Variants in APBA2 observed in about 807,000 individuals in gnomAD.
APBA2 encodes the protein amyloid-beta A4 precursor protein-binding family A member 2.
In APBA2, 30 loss-of-function variants were observed where a neutral mutation model predicts 75.0. The observed-to-expected ratio is 0.40, with a 90% confidence interval of 0.30 to 0.54. APBA2 has a LOEUF of 0.54. Ranked by LOEUF, APBA2 falls within the 20% of genes least tolerant of loss-of-function variation. APBA2 has a pLI of 0.49. For synonymous variants in APBA2, 444 were observed against 409.6 expected, an observed-to-expected ratio of 1.08 and a Z score of -1.01; for missense variants, 801 against 1,016.1, an observed-to-expected ratio of 0.79 and a Z score of 2.88.
intron 3 of APBA2, among the ~76,000 whole-genome samples, chr15:29,004,622 A>G (rs2152806145): frequency 6.6e-6 from 1 of 152,282 alleles, no homozygotes. Context: ...GACCACTGGC[A>G]TAACGCACGG....
At position 29,117,150 on chromosome 15, in the gene APBA2, C is replaced by T; in HGVS notation, c.*17C>T. 6.2e-7 allele frequency: 1 copy of T among 1,612,228 alleles called. No individual in the cohort carries two copies. Among genetic ancestry groups the T allele is most frequent in the East Asian group, 2.2e-5 (1 of 44,838 alleles). ...TACATCTAGGCCACCCCAGCCTGGCCACGCAGCCAGGACACCGGGCAGGGC... is the reference window on the plus strand; with the variant it reads ...TACATCTAGGCCACCCCAGCCTGGCTACGCAGCCAGGACACCGGGCAGGGC... On this transcript the variant is annotated 3_prime_UTR_variant, in exon 15 of 15. Transcript: ENST00000683413.
intron 3 of APBA2, among the ~76,000 whole-genome samples, chr15:29,026,958 T>G (rs957690576): frequency 1.6e-4 from 25 of 152,154 alleles, no homozygotes; most frequent in African/African-American, 6.0e-4. Context: ...TCCTTATTTC[T>G]CTTCAATTGT....
chr15:29,010,635 G>A (rs979754149), intron 3 of APBA2, among the ~76,000 whole-genome samples: 4 of 152,060 alleles, frequency 2.6e-5, no homozygotes, highest in African/African-American at 7.2e-5. Context: ...ACTTTCTCAC[G>A]TTCAGTGGTA....
chr15:29,085,474 G>C (rs543958751), intron 6 of APBA2, among the ~76,000 whole-genome samples: 6 of 145,970 alleles, frequency 4.1e-5, no homozygotes, highest in African/African-American at 1.5e-4. Context: ...GCAGTGAGCC[G>C]AGATTGCACC....
chr15:28,996,836 C>T (rs75108940), intron 3 of APBA2, among the ~76,000 whole-genome samples: 2 of 152,192 alleles, frequency 1.3e-5, no homozygotes, highest in African/African-American at 2.4e-5. Context: ...AACACCCCCC[C>T]TGCCTGACCA....
At chr15:29,004,339 C>T (rs1232140233) in intron 3 of APBA2, among the ~76,000 whole-genome samples, 1 of 152,186 alleles carries the variant, frequency 6.6e-6, no homozygotes, top group Non-Finnish European at 1.5e-5. Context: ...TGCCTCTTTG[C>T]ACTCCATGCC....
At position 29,108,324 on chromosome 15, in the gene APBA2, A is replaced by G. The variant is rs774878617; in HGVS notation, c.1972A>G (p.Thr658Ala). 2.5e-6 allele frequency: 4 copies of G among 1,614,052 alleles called. No individual in the cohort carries two copies. The highest frequency in any genetic ancestry group is 2.5e-6 in the Non-Finnish European group (3 of 1,180,022). The change falls in exon 13 of 15, where the codon ACC becomes GCC. Residue 658 changes from threonine to alanine, a missense_variant. Thr to Ala is a moderately conservative substitution (Grantham distance 58). This residue lies in a region of APBA2 where 367 missense variants were observed against 544.5 expected (regional missense o/e 0.67). Transcript: ENST00000683413. ...KLNIVSCPPV[T>A]TVLIKRPDLK... ...CAACATTGTCAGCTGTCCCCCGGTC[A>G]CCACGGTCCTTATCAAGCGGCCAGA...
intron 3 of APBA2, among the ~76,000 whole-genome samples, chr15:29,023,019 T>C (rs1203346446): frequency 1.3e-5 from 2 of 152,218 alleles, no homozygotes; most frequent in Non-Finnish European, 1.5e-5. Flanking sequence ...GGAGAGCCAT[T>C]GATTTATGTG....
chr15:28,896,916 A>G (rs2032526221), intron 1 of APBA2, among the ~76,000 whole-genome samples: 1 of 152,238 alleles, frequency 6.6e-6, no homozygotes, highest in Non-Finnish European at 1.5e-5. Flanking sequence ...GTGGTCCCCA[A>G]ACTCTCAATC....
intron 3 of APBA2, among the ~76,000 whole-genome samples, chr15:29,042,988 A>G (rs1277798376): frequency 1.3e-5 from 2 of 152,186 alleles, no homozygotes; most frequent in Non-Finnish European, 2.9e-5. Context: ...AGGAGCAAAC[A>G]TGACATGCAG....
At chr15:29,061,937 G>A (rs1317515649) in intron 4 of APBA2, among the ~76,000 whole-genome samples, 4 of 152,212 alleles carry the variant, frequency 2.6e-5, no homozygotes. Context: ...CGTGTGGTGG[G>A]GCAGCAGGTG....
At chr15:29,057,935 C>T (rs2152896410) in intron 4 of APBA2, among the ~76,000 whole-genome samples, 1 of 152,310 alleles carries the variant, frequency 6.6e-6, no homozygotes, top group East Asian at 1.9e-4. Flanking sequence ...TGGATGCATG[C>T]CCTTTATCTT....
intron 3 of APBA2, among the ~76,000 whole-genome samples, chr15:29,027,440 C>T (rs1447859293): frequency 6.6e-6 from 1 of 152,034 alleles, no homozygotes; most frequent in East Asian, 1.9e-4. Context: ...AAAGTATTCT[C>T]ATAATTTTAT....
intron 9 of APBA2, among the ~76,000 whole-genome samples, chr15:29,100,386 C>G (rs1043208554): frequency 7.9e-5 from 12 of 152,244 alleles, no homozygotes; most frequent in Non-Finnish European, 1.8e-4. Flanking sequence ...AAAGTGGATT[C>G]TGTGAGGAAG....
Position 29,101,756 on chromosome 15 carries a change from T to C in APBA2, c.1496T>C (p.Met499Thr). Residue 499 changes from methionine to threonine, a missense_variant, in exon 10 of 15, where the codon ATG becomes ACG. Met to Thr is a moderately conservative substitution (Grantham distance 81). This residue lies in a region of APBA2 where 367 missense variants were observed against 544.5 expected (regional missense o/e 0.67). Coordinates refer to ENST00000683413, the MANE Select transcript of APBA2 (RefSeq NM_001353788.2). ...GAQEGKKQYKMICHVFESEDA... is the reference protein window; with the variant it reads ...GAQEGKKQYKTICHVFESEDA... ...CAGGAAGGCAAGAAGCAGTATAAGATGATCTGCCATGTGTTCGAGTCGGAG... is the reference window on the plus strand; with the variant it reads ...CAGGAAGGCAAGAAGCAGTATAAGACGATCTGCCATGTGTTCGAGTCGGAG... 1 of 1,613,608 alleles carries C rather than the reference T, an allele frequency of 6.2e-7. No individual in the cohort carries two copies.
intron 4 of APBA2, among the ~76,000 whole-genome samples, chr15:29,062,257 C>T (rs947131064): frequency 2.6e-5 from 4 of 152,120 alleles, no homozygotes; most frequent in Non-Finnish European, 5.9e-5. Context: ...GCTCTGCATA[C>T]GGGGAGGCTG....
intron 2 of APBA2, among the ~76,000 whole-genome samples, chr15:28,977,828 A>G (rs996255924): frequency 2.0e-5 from 3 of 152,086 alleles, no homozygotes; most frequent in South Asian, 2.1e-4. Context: ...TGAGAACCCT[A>G]CTGACTGGCT....
At chr15:28,963,732 G>A (rs142598822) in intron 2 of APBA2, among the ~76,000 whole-genome samples, 8 of 152,302 alleles carry the variant, frequency 5.3e-5, no homozygotes, top group African/African-American at 1.7e-4. Flanking sequence ...TAGATTCACA[G>A]GAGGTTGCAA....
intron 1 of APBA2, among the ~76,000 whole-genome samples, chr15:28,914,932 A>G (rs2152656328): frequency 6.6e-6 from 1 of 151,636 alleles, no homozygotes; most frequent in Non-Finnish European, 1.5e-5. Context: ...CATAATACAC[A>G]CCACACACAT....
Sources: gnomAD v4.1 joint callset for allele counts (sites outside exome capture counted in the v4.1 genomes callset) on GRCh38, gnomAD v4.1.1 for gene constraint, gnomAD v4.1.1 regional missense constraint, MANE v1.5 for transcripts, NCBI Gene and HGNC (gene_info 2026-07-23, HGNC 2026-07-21) for gene names.